The following ADARB2 variants were observed in gnomAD, a reference collection of about 807,000 sequenced individuals.
ADARB2 encodes adenosine deaminase RNA specific B2 (inactive).
A neutral mutation model predicts 62.2 loss-of-function variants in ADARB2; 25 were observed. That is an observed-to-expected ratio of 0.40 (90% confidence interval 0.29 to 0.56). The LOEUF (loss-of-function observed/expected upper bound fraction) is 0.56. Among genes scored for constraint, ADARB2 ranks in the 20% least tolerant of loss-of-function variants. The pLI is 0.43. For synonymous variants in ADARB2, 572 were observed against 500.8 expected, an observed-to-expected ratio of 1.14 and a Z score of -1.90; for missense variants, 1,071 against 1,077.4, an observed-to-expected ratio of 0.99 and a Z score of 0.08.
At chr10:1,512,710 C>T (rs1407675519) in intron 1 of ADARB2, among the ~76,000 whole-genome samples, 2 of 152,244 alleles carry the variant, frequency 1.3e-5, no homozygotes, top group Non-Finnish European at 2.9e-5. Flanking sequence ...GTCATAGCTT[C>T]AGCCACAAGC....
At chr10:1,279,184 G>C (rs1831348686) in intron 3 of ADARB2, among the ~76,000 whole-genome samples, 1 of 152,156 alleles carries the variant, frequency 6.6e-6, no homozygotes, top group Non-Finnish European at 1.5e-5. Context: ...GTGTCGGCCA[G>C]GTCAGTTTCT....
At chr10:1,622,632 T>C (rs1236954185) in intron 1 of ADARB2, among the ~76,000 whole-genome samples, 1 of 152,212 alleles carries the variant, frequency 6.6e-6, no homozygotes, top group Non-Finnish European at 1.5e-5. Flanking sequence ...GAGATACAGC[T>C]ATATACCCTC....
At chr10:1,458,816 C>T (rs1039039193) in intron 1 of ADARB2, among the ~76,000 whole-genome samples, 9 of 152,164 alleles carry the variant, frequency 5.9e-5, no homozygotes, top group African/African-American at 2.2e-4. Context: ...CTAAGTTTAA[C>T]ACTAGATTTG....
intron 2 of ADARB2, among the ~76,000 whole-genome samples, chr10:1,369,399 G>C (rs978947552): frequency 2.6e-5 from 4 of 152,066 alleles, no homozygotes; most frequent in Non-Finnish European, 5.9e-5. Context: ...AGGGGACCTG[G>C]GGGACTATCG....
chr10:1,406,940 C>T (rs1180742171), intron 1 of ADARB2, among the ~76,000 whole-genome samples: 1 of 152,176 alleles, frequency 6.6e-6, no homozygotes, highest in Non-Finnish European at 1.5e-5. Context: ...GCAGCCCATC[C>T]CCATCCTCCC....
intron 3 of ADARB2, among the ~76,000 whole-genome samples, chr10:1,358,314 G>A (rs1832216241): frequency 1.3e-5 from 2 of 152,228 alleles, no homozygotes; most frequent in Non-Finnish European, 2.9e-5. Flanking sequence ...TGTCGGATAG[G>A]AGAGAAACCT....
intron 1 of ADARB2, among the ~76,000 whole-genome samples, chr10:1,540,489 T>TTGAACCCCATGCTCA (rs1564322842): frequency 2.6e-5 from 3 of 116,372 alleles, no homozygotes; most frequent in Non-Finnish European, 4.0e-5. Flanking sequence ...CAGACGTAGT[T>TTGAACCCCATGCTCA]CAGACCCTGG....
intron 4 of ADARB2, among the ~76,000 whole-genome samples, chr10:1,254,394 C>T (rs1831062780): frequency 6.6e-6 from 1 of 152,210 alleles, no homozygotes; most frequent in African/African-American, 2.4e-5. Context: ...TTCACCAGAA[C>T]TGGGAGAATT....
chr10:1,626,228 A>C (rs980680302), intron 1 of ADARB2, among the ~76,000 whole-genome samples: 1 of 142,222 alleles, frequency 7.0e-6, no homozygotes, highest in East Asian at 2.1e-4. Flanking sequence ...ACAGGCCTCC[A>C]CTGGACCTCA....
At chr10:1,685,050 G>A (rs1834582233) in intron 1 of ADARB2, among the ~76,000 whole-genome samples, 1 of 152,202 alleles carries the variant, frequency 6.6e-6, no homozygotes. Flanking sequence ...TGTGGGATGA[G>A]GAGGAGGGAG....
intron 1 of ADARB2, among the ~76,000 whole-genome samples, chr10:1,481,851 C>A: frequency 2.1e-5 from 1 of 47,330 alleles, no homozygotes; most frequent in South Asian, 1.0e-3. Context: ...AGTGAGACTC[C>A]ATCTCAAAAA....
At chr10:1,602,744 AAC>A (rs765367241) in intron 1 of ADARB2, among the ~76,000 whole-genome samples, 51 of 147,538 alleles carry the variant, frequency 3.5e-4, no homozygotes, top group Admixed American at 1.9e-3. Flanking sequence ...ACAGACACAC[AAC>A]ACACACACAC....
intron 1 of ADARB2, among the ~76,000 whole-genome samples, chr10:1,510,873 C>T (rs1164843397): frequency 1.3e-5 from 2 of 152,168 alleles, no homozygotes; most frequent in Non-Finnish European, 1.5e-5. Context: ...GTCTCTCTCT[C>T]TTTCTTTCTT....
At chr10:1,455,145 C>T (rs1333175740) in intron 1 of ADARB2, among the ~76,000 whole-genome samples, 1 of 152,198 alleles carries the variant, frequency 6.6e-6, no homozygotes, top group East Asian at 1.9e-4. Flanking sequence ...ATCCTGCTTA[C>T]ACTTATGAAT....
chr10:1,507,781 G>A (rs534141110), intron 1 of ADARB2, among the ~76,000 whole-genome samples: 3 of 152,260 alleles, frequency 2.0e-5, no homozygotes, highest in East Asian at 1.9e-4. Context: ...TTAGGCATAC[G>A]CAGCTTTCCT....
chr10:1,186,853 G>T (rs1259413316), intron 8 of ADARB2, among the ~76,000 whole-genome samples: 1 of 152,244 alleles, frequency 6.6e-6, no homozygotes, highest in African/African-American at 2.4e-5. Context: ...TCCCGCCATA[G>T]CAGACTCCCG....
At chr10:1,584,173 C>T (rs1290762990) in intron 1 of ADARB2, among the ~76,000 whole-genome samples, 1 of 151,950 alleles carries the variant, frequency 6.6e-6, no homozygotes, top group African/African-American at 2.4e-5. Context: ...CGGTAGAACC[C>T]AACATCAAGA....
At position 1,695,023 on chromosome 10, in the gene ADARB2, G is replaced by T. The variant is rs376962156; in HGVS notation, c.100+42028C>A. Among the ~76,000 whole-genome samples the T allele has an allele frequency of 1.6e-4, 24 of 152,322 alleles. No homozygotes were observed. The East Asian group carries it at 4.4e-3, about 28-fold the overall frequency. ...TCTCAGGGGCAGCGAGATGAACAGG[G>T]ATGTGTGGGTCATGGGCCCCCCGTG... On this transcript the variant is annotated intron_variant, in intron 1 of 9. Transcript: ENST00000381312.
At chr10:1,212,457 C>A (rs1837167171) in intron 7 of ADARB2, among the ~76,000 whole-genome samples, 1 of 152,236 alleles carries the variant, frequency 6.6e-6, no homozygotes, top group Non-Finnish European at 1.5e-5. Context: ...GCTGTGTCCC[C>A]ATGTCACTGC....
Sources: gnomAD v4.1 joint callset for allele counts (sites outside exome capture counted in the v4.1 genomes callset) on GRCh38, gnomAD v4.1.1 for gene constraint, MANE v1.5 for transcripts, NCBI Gene and HGNC (gene_info 2026-07-23, HGNC 2026-07-21) for gene names.